KCNU1: variants seen among roughly 807,000 people sequenced by gnomAD.
KCNU1 encodes potassium channel subfamily U member 1.
KCNU1 carries 93 observed loss-of-function variants against 126.8 expected under a neutral mutation model. The ratio of observed to expected loss-of-function variants is 0.73; its 90% CI spans 0.62 to 0.87. The LOEUF is 0.87. Ranked by LOEUF, KCNU1 falls within the 40% of genes least tolerant of loss-of-function variation. The probability of loss-of-function intolerance (pLI) is 0.00; values close to 1 mark genes in which losing one functional copy is unlikely to be tolerated. For missense variants in KCNU1, 1,330 were observed against 1,367.1 expected (o/e 0.97, Z 0.43); for synonymous variants, 523 against 494.2 (o/e 1.06, Z -0.77).
At chr8:36,800,192 A>G (rs1803252656) in intron 2 of KCNU1, among the ~76,000 whole-genome samples, 1 of 152,120 alleles carries the variant, frequency 6.6e-6, no homozygotes. Context: ...TATACTTCTC[A>G]TAAAACAGGC....
At chr8:36,806,501 A>C in intron 5 of KCNU1, 121 bp downstream of exon 5, 3 of 612,924 alleles carry the variant, frequency 4.9e-6, no homozygotes, top group Non-Finnish European at 5.7e-6. Context: ...AAAACCTCTC[A>C]CCTTAATAGT....
intron 10 of KCNU1, among the ~76,000 whole-genome samples, chr8:36,820,176 G>A (rs1804071053): frequency 1.3e-5 from 2 of 152,162 alleles, no homozygotes; most frequent in Admixed American, 6.5e-5. Flanking sequence ...TACATGGAAC[G>A]GAAGAACAAC....
chr8:36,876,072 A>G (rs1806268623), intron 19 of KCNU1, among the ~76,000 whole-genome samples: 1 of 152,174 alleles, frequency 6.6e-6, no homozygotes, highest in African/African-American at 2.4e-5. Flanking sequence ...GGCCAGGTCA[A>G]GTATCTGCTT....
intron 16 of KCNU1, among the ~76,000 whole-genome samples, chr8:36,841,660 C>A (rs1331186606): frequency 6.6e-6 from 1 of 152,102 alleles, no homozygotes; most frequent in Non-Finnish European, 1.5e-5. Flanking sequence ...CACACCACTG[C>A]ACTTCAGCCT....
At chr8:36,916,451 G>A (rs1005336905) in intron 22 of KCNU1, among the ~76,000 whole-genome samples, 3 of 151,912 alleles carry the variant, frequency 2.0e-5, no homozygotes, top group Non-Finnish European at 1.5e-5. Flanking sequence ...AAAAGGGAAC[G>A]AAAGGAGGGA....
At chr8:36,800,064 C>T (rs1215503618) in intron 2 of KCNU1, among the ~76,000 whole-genome samples, 2 of 152,064 alleles carry the variant, frequency 1.3e-5, no homozygotes, top group African/African-American at 4.8e-5. Context: ...AATATCCTCT[C>T]AAATCTCACT....
In KCNU1 at chr8:36,922,528, GGACTGGAAGGGTC is replaced by G. The variant is rs761000284; in HGVS notation, c.2636_2648del (p.Gly879AlafsTer45). On this transcript the variant is annotated frameshift_variant, in exon 24 of 27. Transcript: ENST00000399881. LOFTEE classifies it high-confidence loss of function. Reference sequence around the variant, plus strand: ...CATTCACTTTATTGAACAGCTTGGTGGACTGGAAGGGTCCCTCCAAGAAACAAATCTGCATCTC... The same window carrying G: ...CATTCACTTTATTGAACAGCTTGGTGCCTCCAAGAAACAAATCTGCATCTC... 2 of 1,613,536 alleles carry G rather than the reference GGACTGGAAGGGTC, an allele frequency of 1.2e-6. No individual in the cohort carries two copies. The highest frequency in any genetic ancestry group is 1.7e-6 in the Non-Finnish European group (2 of 1,179,690).
intron 19 of KCNU1, among the ~76,000 whole-genome samples, chr8:36,904,791 G>A (rs944363521): frequency 1.3e-5 from 2 of 152,132 alleles, no homozygotes; most frequent in African/African-American, 2.4e-5. Flanking sequence ...AGATGGTAGA[G>A]CCTCTGTCCC....
At chr8:36,916,836 C>A (rs1399548365) in intron 22 of KCNU1, among the ~76,000 whole-genome samples, 1 of 152,146 alleles carries the variant, frequency 6.6e-6, no homozygotes, top group East Asian at 1.9e-4. Context: ...CAGTTTTTAT[C>A]CTACATTCAT....
At chr8:36,811,430 A>G (rs1389241175) in intron 7 of KCNU1, among the ~76,000 whole-genome samples, 1 of 152,174 alleles carries the variant, frequency 6.6e-6, no homozygotes, top group Non-Finnish European at 1.5e-5. Context: ...AAGTTTCTTG[A>G]CAACATTGGT....
At chr8:36,863,401 G>A (rs184534616) in intron 18 of KCNU1, among the ~76,000 whole-genome samples, 12 of 152,244 alleles carry the variant, frequency 7.9e-5, no homozygotes, top group Admixed American at 5.9e-4. Context: ...CAGGGGAAGA[G>A]GAGTATCAGT....
At chr8:36,787,535 G>A (rs1054817667) in intron 2 of KCNU1, 110 bp downstream of exon 2, 40 of 1,057,636 alleles carry the variant, frequency 3.8e-5, no homozygotes, top group East Asian at 5.9e-5. Context: ...TCCTTTGGTC[G>A]TCTTATCTAT....
rs189335986 is a variant in KCNU1 at position 36,867,159 on chromosome 8, A to G, written c.2009+2638A>G. On this transcript the variant is annotated intron_variant, in intron 19 of 26. Transcript: ENST00000399881. ...AGTTAATCAATCAGAAGCCAAATAAAGTGGTAGTCTGTCAAGTGCTACATT... is the reference window on the plus strand; with the variant it reads ...AGTTAATCAATCAGAAGCCAAATAAGGTGGTAGTCTGTCAAGTGCTACATT... Among the ~76,000 whole-genome samples, 3 of 152,284 alleles carry G rather than the reference A, an allele frequency of 2.0e-5. No individual in the cohort carries two copies. The East Asian group carries it at 5.8e-4, about 29-fold the overall frequency.
intron 2 of KCNU1, among the ~76,000 whole-genome samples, chr8:36,794,294 G>T (rs1803013878): frequency 6.6e-6 from 1 of 151,342 alleles, no homozygotes; most frequent in South Asian, 2.1e-4. Flanking sequence ...CTTTCCTCAT[G>T]GGTCATGTTC....
intron 10 of KCNU1, among the ~76,000 whole-genome samples, chr8:36,829,406 T>A (rs1387561247): frequency 2.0e-5 from 3 of 151,850 alleles, no homozygotes; most frequent in African/African-American, 7.2e-5. Context: ...ATTTTTTTCG[T>A]CATTTATGTC....
At position 36,931,052 on chromosome 8, in the gene KCNU1, T is replaced by C; in HGVS notation, c.2838T>C (p.Gly946=). ...EQHLDKDKVY[G]VADSCTSLLS... ...ATTTAGATAAGGATAAAGTCTATGGTGTGGCAGATAGCTGCACGTCGCTCT... is the reference window on the plus strand; with the variant it reads ...ATTTAGATAAGGATAAAGTCTATGGCGTGGCAGATAGCTGCACGTCGCTCT... The change falls in exon 25 of 27, where the codon GGT becomes GGC. Residue 946 remains glycine (G), a synonymous_variant. Transcript: ENST00000399881. 1.2e-6 allele frequency: 2 copies of C among 1,611,998 alleles called. No homozygotes were observed. Among genetic ancestry groups the C allele is most frequent in the Non-Finnish European group, 1.7e-6 (2 of 1,178,870 alleles).
chr8:36,792,627 A>G (rs1802944438), intron 2 of KCNU1, among the ~76,000 whole-genome samples: 1 of 152,172 alleles, frequency 6.6e-6, no homozygotes, highest in African/African-American at 2.4e-5. Context: ...CACTATCATT[A>G]CCTGCTTTTT....
intron 10 of KCNU1, among the ~76,000 whole-genome samples, chr8:36,826,808 T>C (rs1284785718): frequency 6.6e-6 from 1 of 152,220 alleles, no homozygotes; most frequent in East Asian, 1.9e-4. Context: ...GTTGTACAGA[T>C]GATTTCATCA....
chr8:36,833,764 T>C lies in KCNU1; in HGVS notation c.1212+105T>C, dbSNP rs931982241. On this transcript the variant is annotated intron_variant, in intron 11 of 26. Coordinates refer to ENST00000399881, the MANE Select transcript of KCNU1 (RefSeq NM_001031836.3). The stretch of plus-strand genomic sequence containing the variant: ...AAAGGTATTATTTCAGCTTCTTTAA[T>C]TGGTGGAAAATATAACTTCCTCAAC... 6 of 637,026 alleles carry C rather than the reference T, an allele frequency of 9.4e-6. No homozygotes were observed. In the East Asian group the frequency reaches 1.2e-4, roughly 13 times the overall value. 39.5% of individuals were successfully genotyped at this position (637,026 alleles called of 1,614,324 possible).
Sources: gnomAD v4.1 joint callset for allele counts (sites outside exome capture counted in the v4.1 genomes callset) on GRCh38, gnomAD v4.1.1 for gene constraint, MANE v1.5 for transcripts, NCBI Gene and HGNC (gene_info 2026-07-23, HGNC 2026-07-21) for gene names.